The following ARHGAP19 variants were observed in gnomAD, a reference collection of about 807,000 sequenced individuals.
ARHGAP19 encodes rho GTPase-activating protein 19.
Under a neutral mutation model 60.9 loss-of-function variants are expected in ARHGAP19, and 48 were observed. The ratio of observed to expected loss-of-function variants is 0.79; its 90% CI spans 0.62 to 1.00. ARHGAP19 has a LOEUF of 1.00. ARHGAP19 is among the 50% of genes least tolerant of loss of function. The pLI is 0.00. For synonymous variants in ARHGAP19, 209 were observed against 215.5 expected, an observed-to-expected ratio of 0.97 and a Z score of 0.27; for missense variants, 562 against 597.2, an observed-to-expected ratio of 0.94 and a Z score of 0.61.
chr10:97,251,608 G>A (rs1447292187), intron 6 of ARHGAP19, among the ~76,000 whole-genome samples: 3 of 11,456 alleles, frequency 2.6e-4, no homozygotes, highest in African/African-American at 4.2e-4. Flanking sequence ...AAGGGAAGGG[G>A]AAGGGAAGGG....
At chr10:97,235,375 T>C in intron 8 of ARHGAP19, 60 bp from the exon 9 acceptor site, 2 of 1,391,316 alleles carry the variant, frequency 1.4e-6, no homozygotes. Context: ...CGGCATTCTG[T>C]GACAACTAAT....
At chr10:97,280,095 A>G (rs1280915035) in intron 1 of ARHGAP19, among the ~76,000 whole-genome samples, 2 of 152,192 alleles carry the variant, frequency 1.3e-5, no homozygotes, top group Non-Finnish European at 2.9e-5. Context: ...CAATGGGAAG[A>G]AAGTTATTTG....
chr10:97,256,509 A>G (rs1842754536), intron 5 of ARHGAP19, 105 bp from the exon 6 acceptor site: 14 of 793,072 alleles, frequency 1.8e-5, no homozygotes, highest in Middle Eastern at 3.0e-4. Flanking sequence ...TCCCTAGCCT[A>G]GGTGCCTCTA....
chr10:97,228,341 C>T (rs1193455634), intron 11 of ARHGAP19, among the ~76,000 whole-genome samples: 1 of 152,134 alleles, frequency 6.6e-6, no homozygotes, highest in Non-Finnish European at 1.5e-5. Context: ...GGTTTCAGCC[C>T]GTTTTCTACA....
intron 1 of ARHGAP19, among the ~76,000 whole-genome samples, chr10:97,288,573 C>A (rs1306544731): frequency 6.8e-6 from 1 of 147,474 alleles, no homozygotes; most frequent in Non-Finnish European, 1.5e-5. Context: ...GAGCAAGACT[C>A]CATCTAAAAA....
intron 8 of ARHGAP19, among the ~76,000 whole-genome samples, chr10:97,240,738 G>C (rs896637472): frequency 1.3e-5 from 2 of 152,162 alleles, no homozygotes; most frequent in Non-Finnish European, 2.9e-5. Context: ...AAATGAAAAG[G>C]GTAGAATATA....
intron 6 of ARHGAP19, among the ~76,000 whole-genome samples, chr10:97,250,210 T>G (rs1195977928): frequency 6.6e-6 from 1 of 152,200 alleles, no homozygotes; most frequent in African/African-American, 2.4e-5. Context: ...TGAACATATA[T>G]AGAGAGAGAT....
At chr10:97,272,730 A>G (rs1589377014) in intron 1 of ARHGAP19, among the ~76,000 whole-genome samples, 1 of 151,844 alleles carries the variant, frequency 6.6e-6, no homozygotes, top group South Asian at 2.1e-4. Flanking sequence ...TACGTTCCAT[A>G]GTAATGTCCT....
At chr10:97,266,778 A>G (rs970365503) in intron 1 of ARHGAP19, among the ~76,000 whole-genome samples, 2 of 152,186 alleles carry the variant, frequency 1.3e-5, no homozygotes, top group African/African-American at 4.8e-5. Context: ...ACTGCCCTTT[A>G]TAAAACCATC....
chr10:97,264,921 G>A lies in ARHGAP19; in HGVS notation c.323-15C>T. On this transcript the variant is annotated splice_polypyrimidine_tract_variant and intron_variant, in intron 2 of 11. Coordinates refer to ENST00000358531, the MANE Select transcript of ARHGAP19 (RefSeq NM_032900.6). ...CACTCCTTTTTCTGAAAAACCATAT[G>A]ATATGACAGGGCTATATTTCACACA... The A allele has an allele frequency of 6.3e-7, 1 of 1,584,348 alleles. No individual in the cohort carries two copies. Among genetic ancestry groups the A allele is most frequent in the Non-Finnish European group, 8.7e-7 (1 of 1,153,380 alleles).
At chr10:97,250,103 G>A (rs1842621810) in intron 6 of ARHGAP19, among the ~76,000 whole-genome samples, 1 of 152,052 alleles carries the variant, frequency 6.6e-6, no homozygotes, top group African/African-American at 2.4e-5. Flanking sequence ...ATTCTTAAGA[G>A]AATATGTTTA....
intron 11 of ARHGAP19, 165 bp downstream of exon 11, chr10:97,228,982 C>T: frequency 1.4e-6 from 1 of 724,690 alleles, no homozygotes. Flanking sequence ...GTAAATGGTT[C>T]AATAACCATC....
chr10:97,232,276 G>A (rs183652626), intron 9 of ARHGAP19, among the ~76,000 whole-genome samples: 32 of 145,108 alleles, frequency 2.2e-4, no homozygotes, highest in African/African-American at 6.9e-4. Context: ...CGATTCTCCT[G>A]CCTCAGCCTC....
rs1589440265 is a variant in ARHGAP19 at position 97,226,519 on chromosome 10, C to T, written c.1475-387G>A. ...TAAGCAGCAAAACTGGGAATGGAAC[C>T]CAAGCCCAGCTGAATGCAGAACTCA... On this transcript the variant is annotated intron_variant, in intron 11 of 11. Transcript: ENST00000358531. 5.3e-5 allele frequency among the ~76,000 whole-genome samples: 8 copies of T among 152,214 alleles called. 2 individuals are homozygous for T. The highest frequency in any genetic ancestry group is 5.2e-4 in the Admixed American group (8 of 15,288).
At chr10:97,285,348 T>G (rs1212748093) in intron 1 of ARHGAP19, among the ~76,000 whole-genome samples, 2 of 152,068 alleles carry the variant, frequency 1.3e-5, no homozygotes, top group African/African-American at 4.8e-5. Flanking sequence ...TTTATTTATT[T>G]TTTTTAACAA....
intron 1 of ARHGAP19, among the ~76,000 whole-genome samples, chr10:97,272,578 G>A (rs1842974028): frequency 6.6e-6 from 1 of 152,046 alleles, no homozygotes; most frequent in African/African-American, 2.4e-5. Context: ...TTTGTGTTAT[G>A]GGACTACTCA....
At chr10:97,258,876 A>G (rs1308329858) in intron 5 of ARHGAP19, 4 of 152,418 alleles carry the variant, frequency 2.6e-5, no homozygotes, top group African/African-American at 7.2e-5. Context: ...TGAGAAGACC[A>G]TGGTCTCCAT....
rs180996718 is a variant in ARHGAP19, at chr10:97,253,426, A to G, written c.927+2892T>C. Among the ~76,000 whole-genome samples, 5 of 151,942 alleles carry G rather than the reference A, an allele frequency of 3.3e-5. No homozygotes were observed. The East Asian group carries it at 9.6e-4, about 29-fold the overall frequency. ...TCTCATGGTGAGGGAGAAAAAGAAA[A>G]GAAAAGAAAAAAAGATTGATCTCAT... On this transcript the variant is annotated intron_variant, in intron 6 of 11. Coordinates refer to ENST00000358531, the MANE Select transcript of ARHGAP19 (RefSeq NM_032900.6).
intron 1 of ARHGAP19, among the ~76,000 whole-genome samples, chr10:97,284,076 G>C (rs1843122492): frequency 6.6e-6 from 1 of 151,886 alleles, no homozygotes; most frequent in African/African-American, 2.4e-5. Context: ...TGGGACTACA[G>C]GTGCACACCA....
Sources: allele counts gnomAD v4.1 joint callset (sites outside exome capture counted in the v4.1 genomes callset), GRCh38; gene constraint gnomAD v4.1.1; transcripts MANE v1.5; gene names NCBI Gene and HGNC (gene_info 2026-07-23, HGNC 2026-07-21).